Variants in ANKRD44 observed in about 807,000 individuals in gnomAD.
ANKRD44 encodes the protein serine/threonine-protein phosphatase 6 regulatory ankyrin repeat subunit B.
ANKRD44 carries 35 observed loss-of-function variants against 116.0 expected under a neutral mutation model. The observed-to-expected ratio is 0.30, with a 90% CI of 0.23 to 0.40. The LOEUF (loss-of-function observed/expected upper bound fraction) is 0.40, where lower values mean the gene tolerates loss of function less well. Ranked by LOEUF, ANKRD44 falls within the 10% of genes least tolerant of loss-of-function variation. ANKRD44 has a pLI of 1.00. For missense variants in ANKRD44, 1,014 were observed against 1,242.6 expected, an observed-to-expected ratio of 0.82 and a Z score of 2.77; for synonymous variants, 435 against 461.8, an observed-to-expected ratio of 0.94 and a Z score of 0.74.
chr2:197,282,197 G>A (rs993717506), intron 1 of ANKRD44, among the ~76,000 whole-genome samples: 1 of 152,282 alleles, frequency 6.6e-6, no homozygotes, highest in Non-Finnish European at 1.5e-5. Context: ...AGCCTGCAGT[G>A]AGCGGAGATC....
At chr2:197,056,238 T>C (rs529068380) in intron 16 of ANKRD44, among the ~76,000 whole-genome samples, 3 of 152,226 alleles carry the variant, frequency 2.0e-5, no homozygotes, top group Non-Finnish European at 2.9e-5. Context: ...TCTTTACCCT[T>C]TGCATGTCTG....
At chr2:197,306,661 G>C (rs1352280582) in intron 1 of ANKRD44, among the ~76,000 whole-genome samples, 6 of 152,196 alleles carry the variant, frequency 3.9e-5, no homozygotes, top group Non-Finnish European at 8.8e-5. Context: ...GGAAGAACAA[G>C]GGCAGCCCAG....
chr2:196,993,130 A>G (rs2075951287), intron 27 of ANKRD44, among the ~76,000 whole-genome samples: 1 of 152,218 alleles, frequency 6.6e-6, no homozygotes. Flanking sequence ...TACTGGGAAT[A>G]TGAGTTCTGA....
At chr2:197,056,193 C>T (rs2077199553) in intron 16 of ANKRD44, among the ~76,000 whole-genome samples, 1 of 151,804 alleles carries the variant, frequency 6.6e-6, no homozygotes. Flanking sequence ...AGTCTAAGTC[C>T]CCAGGTTGTT....
At chr2:197,057,620 T>C (rs1489659198) in intron 16 of ANKRD44, among the ~76,000 whole-genome samples, 1 of 152,220 alleles carries the variant, frequency 6.6e-6, no homozygotes, top group Non-Finnish European at 1.5e-5. Context: ...TTATCTGTAA[T>C]CTCAGCACTT....
intron 17 of ANKRD44, among the ~76,000 whole-genome samples, chr2:197,022,548 C>T (rs2076517676): frequency 6.6e-6 from 1 of 152,208 alleles, no homozygotes; most frequent in Non-Finnish European, 1.5e-5. Flanking sequence ...CTCTCCTCAC[C>T]ACTCTGCTCC....
intron 3 of ANKRD44, among the ~76,000 whole-genome samples, chr2:197,145,216 A>C (rs2079467974): frequency 6.6e-6 from 1 of 152,086 alleles, no homozygotes; most frequent in African/African-American, 2.4e-5. Context: ...GCTTGAACCC[A>C]AGAGGCAGAG....
chr2:197,204,040 C>T, intron 1 of ANKRD44, among the ~76,000 whole-genome samples: 1 of 152,144 alleles, frequency 6.6e-6, no homozygotes, highest in Non-Finnish European at 1.5e-5. Context: ...GGCTGCACAA[C>T]ACTGTGAATG....
At chr2:197,197,809 CAAAAAAA>C (rs199994103) in intron 1 of ANKRD44, among the ~76,000 whole-genome samples, 1,198 of 114,160 alleles carry the variant, frequency 0.01, 9 homozygotes, top group Non-Finnish European at 0.015. Flanking sequence ...AATCCTGTCT[CAAAAAAA>C]AAAAAAAAAA....
chr2:196,978,966 T>C (rs2075779076), intron 21 of ANKRD44, among the ~76,000 whole-genome samples: 1 of 151,580 alleles, frequency 6.6e-6, no homozygotes, highest in Admixed American at 6.6e-5. Flanking sequence ...CTTTCCAAAA[T>C]AGATATAGCA....
At chr2:197,091,659 C>T (rs772270737) in intron 10 of ANKRD44, among the ~76,000 whole-genome samples, 2 of 152,192 alleles carry the variant, frequency 1.3e-5, no homozygotes, top group Admixed American at 6.5e-5. Flanking sequence ...ACGCTCAGTC[C>T]TTGTTTTATT....
chr2:197,028,710 C>T (rs552195779), intron 16 of ANKRD44: 1 of 167,444 alleles, frequency 6.0e-6, no homozygotes, highest in South Asian at 1.8e-4. Flanking sequence ...CATTTAAAAG[C>T]TTATGCAGCA....
At chr2:197,160,909 C>T (rs2079944460) in intron 2 of ANKRD44, among the ~76,000 whole-genome samples, 1 of 152,200 alleles carries the variant, frequency 6.6e-6, no homozygotes, top group Admixed American at 6.5e-5. Context: ...GAAAATTCTG[C>T]AGGCCAAGAC....
intron 3 of ANKRD44, among the ~76,000 whole-genome samples, chr2:197,142,220 G>C (rs2079384637): frequency 1.3e-5 from 2 of 152,130 alleles, no homozygotes; most frequent in Non-Finnish European, 2.9e-5. Flanking sequence ...CTTTTCCAGA[G>C]GCAATATTTC....
chr2:197,186,668 T>TTGCCCA (rs1258861538), intron 2 of ANKRD44, among the ~76,000 whole-genome samples: 2 of 124,374 alleles, frequency 1.6e-5, no homozygotes, highest in Non-Finnish European at 3.3e-5. Flanking sequence ...TTTCACCATG[T>TTGCCCA]TGCCCAGGTC....
chr2:196,993,860 G>C (rs2075964620), intron 26 of ANKRD44, among the ~76,000 whole-genome samples, 186 bp from the exon 27 acceptor site: 1 of 152,204 alleles, frequency 6.6e-6, no homozygotes, highest in African/African-American at 2.4e-5. Context: ...AACTGTTGTT[G>C]TATGTTTGGC....
chr2:197,261,952 A>G (rs1367985278), intron 1 of ANKRD44, among the ~76,000 whole-genome samples: 1 of 152,238 alleles, frequency 6.6e-6, no homozygotes, highest in East Asian at 1.9e-4. Flanking sequence ...TGACGGGACA[A>G]GAGAAAAACC....
At chr2:197,164,775 C>T (rs1434226222) in intron 2 of ANKRD44, among the ~76,000 whole-genome samples, 1 of 152,160 alleles carries the variant, frequency 6.6e-6, no homozygotes, top group Non-Finnish European at 1.5e-5. Context: ...CAATGCCTCT[C>T]AGAAGTAGTT....
At chr2:197,131,483 G>A (rs1161762620) in intron 4 of ANKRD44, among the ~76,000 whole-genome samples, 1 of 152,170 alleles carries the variant, frequency 6.6e-6, no homozygotes, top group Non-Finnish European at 1.5e-5. Flanking sequence ...GAGCCACCGC[G>A]CCCGGCGATA....
Sources: gnomAD v4.1 joint callset for allele counts (sites outside exome capture counted in the v4.1 genomes callset) on GRCh38, gnomAD v4.1.1 for gene constraint, MANE v1.5 for transcripts, NCBI Gene and HGNC (gene_info 2026-07-23, HGNC 2026-07-21) for gene names.